The following SEH1L variants were observed in gnomAD, a reference collection of about 807,000 sequenced individuals.
SEH1L encodes nucleoporin SEH1.
SEH1L carries 18 observed loss-of-function variants against 49.5 expected under a neutral mutation model. The observed-to-expected ratio is 0.36, with a 90% confidence interval of 0.25 to 0.54. The LOEUF is 0.54. Ranked by LOEUF, SEH1L falls within the 20% of genes least tolerant of loss-of-function variation. SEH1L has a pLI of 0.87. For missense variants in SEH1L, 404 were observed against 528.8 expected, an observed-to-expected ratio of 0.76 and a Z score of 2.31; for synonymous variants, 169 against 178.1, an observed-to-expected ratio of 0.95 and a Z score of 0.41.
intron 4 of SEH1L, among the ~76,000 whole-genome samples, chr18:12,964,984 A>C (rs1348713446): frequency 6.9e-6 from 1 of 145,548 alleles, no homozygotes; most frequent in Admixed American, 6.9e-5. Context: ...CTTCCCCCTC[A>C]CATTGCCCCT....
chr18:12,949,208 A>G (rs936648309), intron 1 of SEH1L, among the ~76,000 whole-genome samples: 2 of 151,308 alleles, frequency 1.3e-5, no homozygotes, highest in Non-Finnish European at 2.9e-5. Context: ...CATGAGATTT[A>G]GGAACCTCCC....
intron 3 of SEH1L, 107 bp from the exon 4 acceptor site, chr18:12,963,053 G>T: frequency 1.3e-6 from 1 of 745,238 alleles, no homozygotes; most frequent in Non-Finnish European, 2.1e-6. Context: ...TATATACCTA[G>T]TGAATGATAG....
rs978154926 is a variant in SEH1L, at chr18:12,987,177, G to A, written c.*120G>A. On this transcript the variant is annotated 3_prime_UTR_variant, in exon 9 of 9. Coordinates refer to ENST00000399892, the MANE Select transcript of SEH1L (RefSeq NM_001013437.2). The stretch of plus-strand genomic sequence containing the variant: ...TTCTAACTTAGGGTCTGTCTTGCAT[G>A]TATTACAACCAGAATACAGTGTTTG... 30 of 667,080 alleles carry A rather than the reference G, an allele frequency of 4.5e-5. No homozygotes were observed. The highest frequency in any genetic ancestry group is 1.8e-5 in the African/African-American group (1 of 54,196). The allele number at this position is 667,080 out of a possible 1,614,324, so 41.3% of individuals were successfully genotyped here.
intron 1 of SEH1L, among the ~76,000 whole-genome samples, chr18:12,951,096 A>G (rs1397821012): frequency 6.6e-6 from 1 of 152,208 alleles, no homozygotes; most frequent in East Asian, 1.9e-4. Flanking sequence ...CCCAAAAGTC[A>G]CACTGGTTTT....
At chr18:12,957,962 G>A (rs1355296534) in intron 3 of SEH1L, among the ~76,000 whole-genome samples, 2 of 151,478 alleles carry the variant, frequency 1.3e-5, no homozygotes, top group South Asian at 4.2e-4. Context: ...TCTCACCTCG[G>A]CCTCCCAAAG....
intron 3 of SEH1L, among the ~76,000 whole-genome samples, chr18:12,958,958 C>T (rs1237279737): frequency 2.0e-5 from 3 of 152,202 alleles, no homozygotes; most frequent in African/African-American, 7.2e-5. Flanking sequence ...ATTTTACATT[C>T]CTACCAGCAA....
At chr18:12,965,770 G>C (rs1035490152) in intron 4 of SEH1L, among the ~76,000 whole-genome samples, 1 of 152,100 alleles carries the variant, frequency 6.6e-6, no homozygotes, top group Non-Finnish European at 1.5e-5. Context: ...GATTTTGATA[G>C]CCAATGGAAA....
chr18:12,958,962 C>T (rs778371919), intron 3 of SEH1L, among the ~76,000 whole-genome samples: 9 of 152,218 alleles, frequency 5.9e-5, no homozygotes, highest in South Asian at 2.1e-4. Context: ...TACATTCCTA[C>T]CAGCAATGCT....
chr18:12,985,447 T>C, intron 8 of SEH1L: 1 of 1,295,940 alleles, frequency 7.7e-7, no homozygotes, highest in Middle Eastern at 2.7e-4. Context: ...GTCAGTTTAT[T>C]GACACTATTT....
intron 4 of SEH1L, among the ~76,000 whole-genome samples, chr18:12,970,192 TATTA>T (rs1411218705): frequency 2.0e-5 from 3 of 152,174 alleles, no homozygotes; most frequent in Non-Finnish European, 2.9e-5. Context: ...TTTACAGAGA[TATTA>T]ATTAATCTGG....
intron 3 of SEH1L, among the ~76,000 whole-genome samples, chr18:12,956,684 C>G (rs1201378703): frequency 1.3e-5 from 2 of 148,224 alleles, no homozygotes; most frequent in East Asian, 3.9e-4. Flanking sequence ...TTCTGAAGTC[C>G]AGTTCTTCTG....
At position 12,980,479 on chromosome 18, in the gene SEH1L, A is replaced by C. The variant is rs868297323; in HGVS notation, c.761+1587A>C. Among the ~76,000 whole-genome samples, 138 of 21,004 alleles carry C rather than the reference A, an allele frequency of 6.6e-3. 2 individuals carry two copies. The highest frequency in any genetic ancestry group is 0.04 in the African/African-American group (104 of 2,596). 13.8% of individuals were successfully genotyped at this position (21,004 alleles called of 152,430 possible). A position where few individuals can be genotyped will look rare whatever the true frequency, so the allele number is the denominator to read the frequency against. ...TGGCCGGGCGGGGGGCTGATCCCCC[A>C]ACCTCCCTCCCGGACGGGGCGGCTG... On this transcript the variant is annotated intron_variant, in intron 6 of 8. Transcript: ENST00000399892.
chr18:12,952,232 C>CT (rs746291412), intron 2 of SEH1L, among the ~76,000 whole-genome samples: 3,341 of 133,280 alleles, frequency 0.025, 107 homozygotes, highest in African/African-American at 0.065. Flanking sequence ...TAGAAATTTT[C>CT]TTTTTTTTTT....
chr18:12,952,025 AT>A, intron 2 of SEH1L, 120 bp downstream of exon 2: 1 of 526,740 alleles, frequency 1.9e-6, no homozygotes, highest in Non-Finnish European at 3.2e-6. Context: ...CTGGGAAGAC[AT>A]TTTACTGTTT....
In SEH1L at chr18:12,981,768, CAT is replaced by C. The variant is rs1444694962; in HGVS notation, c.762-747_762-746del. Among the ~76,000 whole-genome samples the C allele has an allele frequency of 7.3e-4, 109 of 148,358 alleles. 2 individuals carry two copies. Among genetic ancestry groups the C allele is most frequent in the Non-Finnish European group, 1.0e-4 (7 of 67,168 alleles). ...AGTATTGAGACAGTCTTGTGAATAACATATTTAACTTTAATTTTGAATTGTGA... is the reference window on the plus strand; with the variant it reads ...AGTATTGAGACAGTCTTGTGAATAACATTTAACTTTAATTTTGAATTGTGA... On this transcript the variant is annotated intron_variant, in intron 6 of 8. Transcript: ENST00000399892.
At chr18:12,980,606 G>A (rs374023345) in intron 6 of SEH1L, among the ~76,000 whole-genome samples, 3,473 of 107,222 alleles carry the variant, frequency 0.032, 112 homozygotes, top group East Asian at 0.1. Context: ...GCAGCTGGCC[G>A]GGCAGAGGGG....
chr18:12,960,594 C>T (rs1485218242), intron 3 of SEH1L, among the ~76,000 whole-genome samples: 1 of 152,130 alleles, frequency 6.6e-6, no homozygotes, highest in Non-Finnish European at 1.5e-5. Flanking sequence ...ATTGCCTTTG[C>T]ACTAGGGCTT....
Position 12,964,739 on chromosome 18 carries a change from G to A in SEH1L, c.521+1368G>A, listed in dbSNP as rs1322136210. ...CAAGCTCCGCCTCCTGGGTTCAAAC[G>A]ATTCTCCTGTGTCAGCCTCCCAAGT... On this transcript the variant is annotated intron_variant, in intron 4 of 8. Coordinates refer to ENST00000399892, the MANE Select transcript of SEH1L (RefSeq NM_001013437.2). 3.5e-5 allele frequency among the ~76,000 whole-genome samples: 5 copies of A among 144,420 alleles called. No individual in the cohort carries two copies. In the East Asian group the frequency reaches 1.1e-3, roughly 31 times the overall value. The allele number at this position is 144,420 out of a possible 152,430, so 94.7% of individuals were successfully genotyped here. A position where few individuals can be genotyped will look rare whatever the true frequency, so the allele number is the denominator to read the frequency against.
chr18:12,949,762 C>T (rs1277456745), intron 1 of SEH1L, among the ~76,000 whole-genome samples: 1 of 152,030 alleles, frequency 6.6e-6, no homozygotes, highest in South Asian at 2.1e-4. Flanking sequence ...CCACGTTAAC[C>T]GTTTTAAAGT....
Sources: allele counts gnomAD v4.1 joint callset (sites outside exome capture counted in the v4.1 genomes callset), GRCh38; gene constraint gnomAD v4.1.1; transcripts MANE v1.5; gene names NCBI Gene and HGNC (gene_info 2026-07-23, HGNC 2026-07-21).